LOC128092252: variants seen among roughly 807,000 people sequenced by gnomAD.
At chr15:50,671,564 C>T in the LOC128092252 span, among the ~76,000 whole-genome samples, 2 of 152,002 alleles carry the variant, frequency 1.3e-5, no homozygotes, top group Non-Finnish European at 1.5e-5. Flanking sequence ...AGCACCTTGC[C>T]GTGGGAGGAG....
At chr15:50,660,995 G>A in the LOC128092252 span, among the ~76,000 whole-genome samples, 1 of 146,304 alleles carries the variant, frequency 6.8e-6, no homozygotes, top group African/African-American at 2.6e-5. Flanking sequence ...TTTTTTTTGA[G>A]ACAGAGTTTC....
chr15:50,682,890 G>A, the LOC128092252 span, among the ~76,000 whole-genome samples: 218 of 149,848 alleles, frequency 1.5e-3, 3 homozygotes, highest in African/African-American at 4.9e-3. Context: ...TTTGCTTCCC[G>A]GTACCAAACT....
At chr15:50,659,189 T>C in the LOC128092252 span, among the ~76,000 whole-genome samples, 80 of 139,642 alleles carry the variant, frequency 5.7e-4, no homozygotes, top group Non-Finnish European at 1.0e-3. Context: ...CGAGACTCCG[T>C]CTCAAAAAAA....
At chr15:50,649,179 G>A in the LOC128092252 span, among the ~76,000 whole-genome samples, 41 of 152,158 alleles carry the variant, frequency 2.7e-4, no homozygotes, top group East Asian at 3.9e-4. Flanking sequence ...TGGCTCACGC[G>A]GGTAATCCCA....
chr15:50,672,898 C>CAA, the LOC128092252 span, among the ~76,000 whole-genome samples: 2,935 of 26,190 alleles, frequency 0.11, 840 homozygotes, highest in Non-Finnish European at 0.15. Flanking sequence ...GACTCTGTCT[C>CAA]AAAAAAAAAA....
chr15:50,684,013 C>T, the LOC128092252 span, among the ~76,000 whole-genome samples: 1 of 151,964 alleles, frequency 6.6e-6, no homozygotes, highest in Admixed American at 6.6e-5. Context: ...GTGCCCATCA[C>T]GACGCCCTGC....
chr15:50,655,463 C>T, the LOC128092252 span, among the ~76,000 whole-genome samples: 2 of 145,268 alleles, frequency 1.4e-5, no homozygotes, highest in East Asian at 2.0e-4. Context: ...AAACAAAAAA[C>T]CTTCTCAATC....
chr15:50,672,060 T>C, the LOC128092252 span, among the ~76,000 whole-genome samples: 1 of 147,998 alleles, frequency 6.8e-6, no homozygotes, highest in Admixed American at 6.6e-5. Context: ...TGGTTGGTTT[T>C]TGTTTTTGTT....
At chr15:50,667,091 C>T in the LOC128092252 span, among the ~76,000 whole-genome samples, 4 of 152,004 alleles carry the variant, frequency 2.6e-5, no homozygotes, top group Admixed American at 2.0e-4. Context: ...GAGGAGACCC[C>T]CAACCCAAAG....
chr15:50,652,328 C>CAAAAAAAAAAAAA, the LOC128092252 span, among the ~76,000 whole-genome samples: 2 of 34,226 alleles, frequency 5.8e-5, no homozygotes, highest in African/African-American at 1.4e-4. Context: ...GACTCCATCT[C>CAAAAAAAAAAAAA]AAAAAAAAAA....
the LOC128092252 span, among the ~76,000 whole-genome samples, chr15:50,658,500 G>A: frequency 2.0e-5 from 3 of 151,344 alleles, no homozygotes; most frequent in Non-Finnish European, 4.4e-5. Flanking sequence ...AGCATGGGAG[G>A]TCGAGGCTAA....
At chr15:50,686,420 G>A in the LOC128092252 span, 3 of 1,569,656 alleles carry the variant, frequency 1.9e-6, no homozygotes, top group African/African-American at 2.7e-5. Flanking sequence ...GCAATTCGAG[G>A]GTCCTTCGCC....
chr15:50,686,704 G>T, the LOC128092252 span: 1 of 841,744 alleles, frequency 1.2e-6, no homozygotes, highest in Non-Finnish European at 1.8e-6. Flanking sequence ...AGCAGCAGAA[G>T]CCGAGTCTTT....
the LOC128092252 span, chr15:50,686,687 C>T: frequency 1.0e-6 from 1 of 974,064 alleles, no homozygotes; most frequent in South Asian, 1.7e-5. Flanking sequence ...AACTCAGCTC[C>T]GGCGCTAGCA....
the LOC128092252 span, among the ~76,000 whole-genome samples, chr15:50,668,473 A>G: frequency 6.6e-6 from 1 of 152,114 alleles, no homozygotes; most frequent in Non-Finnish European, 1.5e-5. Flanking sequence ...GAGACTATTT[A>G]TGAGTACTCT....
At chr15:50,674,304 G>T in the LOC128092252 span, among the ~76,000 whole-genome samples, 1 of 151,822 alleles carries the variant, frequency 6.6e-6, no homozygotes, top group African/African-American at 2.4e-5. Context: ...GCTAATTTTT[G>T]TATTTTTAGT....
chr15:50,681,639 C>G, the LOC128092252 span, among the ~76,000 whole-genome samples: 1 of 152,188 alleles, frequency 6.6e-6, no homozygotes, highest in Non-Finnish European at 1.5e-5. Context: ...AACTCTGTCT[C>G]AGGGTTGCTA....
the LOC128092252 span, among the ~76,000 whole-genome samples, chr15:50,678,050 C>T: frequency 1.3e-5 from 2 of 151,198 alleles, no homozygotes; most frequent in Non-Finnish European, 2.9e-5. Flanking sequence ...CCAGTCTGAC[C>T]GATATGGTGA....
the LOC128092252 span, among the ~76,000 whole-genome samples, chr15:50,678,249 AAACAAAAAC>A: frequency 1.6e-5 from 2 of 125,628 alleles, no homozygotes; most frequent in African/African-American, 3.0e-5. Flanking sequence ...CAAAAAAAAA[AAACAAAAAC>A]AAAAACAAAA....
Sources: allele counts gnomAD v4.1 joint callset (sites outside exome capture counted in the v4.1 genomes callset), GRCh38; gene constraint gnomAD v4.1.1; transcripts MANE v1.5.